Variants in ZNF134 observed in about 807,000 individuals in gnomAD.
ZNF134 encodes the protein zinc finger protein 134 (clone pHZ-15).
ZNF134 carries 5 observed loss-of-function variants against 2.5 expected under a neutral mutation model. That is an observed-to-expected ratio of 2.03 (90% CI 1.06 to 4.27). ZNF134 has a LOEUF of 4.27. Among genes scored for constraint, ZNF134 ranks in the 30% most tolerant of loss-of-function variants. The probability of loss-of-function intolerance (pLI) is 0.00; values close to 1 mark genes in which losing one functional copy is unlikely to be tolerated. For synonymous variants in ZNF134, 176 were observed against 176.2 expected, an observed-to-expected ratio of 1.00 and a Z score of 0.01; for missense variants, 540 against 517.5, an observed-to-expected ratio of 1.04 and a Z score of -0.42.
intron 1 of ZNF134, among the ~76,000 whole-genome samples, chr19:57,614,746 C>T (rs558750329): frequency 6.6e-6 from 1 of 152,126 alleles, no homozygotes; most frequent in African/African-American, 2.4e-5. Flanking sequence ...GGAGAAGTTG[C>T]TCCTTCATTG....
rs1981216787 is a variant in ZNF134, at chr19:57,621,395, A to G, written c.1276A>G (p.Arg426Gly). 6.2e-7 allele frequency: 1 copy of G among 1,613,088 alleles called. No individual in the cohort carries two copies. Among genetic ancestry groups the G allele is most frequent in the Admixed American group, 1.7e-5 (1 of 60,006 alleles). ...NRHQKVHTAG[R>G]L is the part of the protein sequence containing the mutation. The stretch of plus-strand genomic sequence containing the variant: ...GCACCAGAAAGTTCACACTGCAGGC[A>G]GGCTTTAGGAGTGCTTTGAATACAA... Residue 426 changes from arginine (R) to glycine (G), a missense_variant, in exon 3 of 3, where the codon AGG becomes GGG. Arg to Gly is a moderately radical substitution (Grantham distance 125). Coordinates refer to ENST00000396161, the MANE Select transcript of ZNF134 (RefSeq NM_003435.5).
At chr19:57,615,158 C>T (rs927617143) in intron 1 of ZNF134, among the ~76,000 whole-genome samples, 1 of 152,058 alleles carries the variant, frequency 6.6e-6, no homozygotes, top group Non-Finnish European at 1.5e-5. Context: ...GAGCACGTTT[C>T]AGGGGCATCA....
chr19:57,619,243 A>G (rs866269295), intron 1 of ZNF134, among the ~76,000 whole-genome samples, 169 bp from the exon 2 acceptor site: 4 of 152,056 alleles, frequency 2.6e-5, no homozygotes, highest in African/African-American at 4.8e-5. Flanking sequence ...TGTGTCCTCA[A>G]TTTCAGTCAT....
chr19:57,620,254 C>T lies in ZNF134; in HGVS notation c.135C>T (p.Pro45=), dbSNP rs200833487. The stretch of plus-strand genomic sequence containing the variant: ...TTAATACTTCCAAGGCAGGTTTGCC[C>T]GCACAGACGGCTCTCCCTTGTGACA... ...SHVNTSKAGL[P]AQTALPCDIC... Residue 45 remains proline (P), a synonymous_variant, in exon 3 of 3, where the codon CCC becomes CCT. Coordinates refer to ENST00000396161, the MANE Select transcript of ZNF134 (RefSeq NM_003435.5). The T allele has an allele frequency of 1.7e-5, 28 of 1,614,054 alleles. No individual in the cohort carries two copies. The highest frequency in any genetic ancestry group is 1.3e-4 in the East Asian group (6 of 44,890).
intron 1 of ZNF134, among the ~76,000 whole-genome samples, chr19:57,615,956 G>A (rs145684031): frequency 2.0e-5 from 3 of 152,372 alleles, no homozygotes; most frequent in African/African-American, 4.8e-5. Context: ...AACCTTTGAA[G>A]AGGAATTTTA....
rs199570382 is a variant in ZNF134 at position 57,620,220 on chromosome 19, T to G, written c.101T>G (p.Val34Gly). The change falls in exon 3 of 3, where the codon GTG (valine) becomes GGG (glycine). Residue 34 changes from valine to glycine, a missense_variant. Transcript: ENST00000396161. ...SSSEQSISIA[V>G]SHVNTSKAGL... ...TCTGAACAGAGCATTTCTATAGCAGTGTCACATGTTAATACTTCCAAGGCA... is the reference window on the plus strand; with the variant it reads ...TCTGAACAGAGCATTTCTATAGCAGGGTCACATGTTAATACTTCCAAGGCA... The G allele has an allele frequency of 1.6e-4, 252 of 1,614,228 alleles. No individual in the cohort carries two copies. In the African/African-American group the frequency reaches 1.6e-3, roughly 10 times the overall value.
Position 57,621,025 on chromosome 19 carries a change from A to C in ZNF134, c.906A>C (p.Thr302=). 6.2e-7 allele frequency: 1 copy of C among 1,614,034 alleles called. No individual in the cohort carries two copies. Among genetic ancestry groups the C allele is most frequent in the South Asian group, 1.1e-5 (1 of 91,070 alleles). Residue 302 remains threonine, a synonymous_variant, in exon 3 of 3, where the codon ACA becomes ACC. Transcript: ENST00000396161. ...DCGKVFRHKS[T]LVQHESIHTG... ...GGAAAGTCTTCAGACACAAATCTACACTTGTTCAGCATGAGAGTATTCACA... is the reference window on the plus strand; with the variant it reads ...GGAAAGTCTTCAGACACAAATCTACCCTTGTTCAGCATGAGAGTATTCACA...
chr19:57,620,025 T>C, intron 2 of ZNF134, 135 bp from the exon 3 acceptor site: 1 of 1,038,818 alleles, frequency 9.6e-7, no homozygotes, highest in Admixed American at 2.7e-5. Flanking sequence ...CAGCCCTTTT[T>C]TCAACCTGAT....
chr19:57,621,698 C>G lies in ZNF134; in HGVS notation c.*295C>G. 1 of 527,530 alleles carries G rather than the reference C, an allele frequency of 1.9e-6. No homozygotes were observed. Among genetic ancestry groups the G allele is most frequent in the South Asian group, 1.8e-5 (1 of 55,214 alleles). The allele number at this position is 527,530 out of a possible 1,614,324, so 32.7% of individuals were successfully genotyped here. The stretch of plus-strand genomic sequence containing the variant: ...CCTGAGTTCATTGGGGGTCCTCATT[C>G]CCTTCTGTATGACAGGTATAGGTAT... On this transcript the variant is annotated 3_prime_UTR_variant, in exon 3 of 3. Transcript: ENST00000396161.
chr19:57,615,209 A>G (rs141074529), intron 1 of ZNF134, among the ~76,000 whole-genome samples: 2 of 152,214 alleles, frequency 1.3e-5, no homozygotes, highest in Non-Finnish European at 2.9e-5. Context: ...GGTGTTCTGC[A>G]CTGGAGGTTC....
Position 57,620,582 on chromosome 19 carries a change from A to C in ZNF134, c.463A>C (p.Ser155Arg). ...LGGCQQKAIH[S>R]KRKTHRSTES... ...TGGCTGCCAACAAAAGGCCATCCAC[A>C]GTAAGAGGAAGACACACAGGAGCAC... Residue 155 changes from serine (S) to arginine (R), a missense_variant, in exon 3 of 3, where the codon AGT becomes CGT. Transcript: ENST00000396161. 1 of 1,614,252 alleles carries C rather than the reference A, an allele frequency of 6.2e-7. No individual in the cohort carries two copies. The highest frequency in any genetic ancestry group is 8.5e-7 in the Non-Finnish European group (1 of 1,180,044).
In ZNF134 at chr19:57,623,557, A is replaced by C. The variant is rs924721548; in HGVS notation, c.*2154A>C. 8 of 152,188 alleles carry C rather than the reference A, an allele frequency of 5.3e-5. No homozygotes were observed. The highest frequency in any genetic ancestry group is 1.3e-4 in the Admixed American group (2 of 15,288). 9.4% of individuals were successfully genotyped at this position (152,188 alleles called of 1,614,324 possible). On this transcript the variant is annotated 3_prime_UTR_variant, in exon 3 of 3. Coordinates refer to ENST00000396161, the MANE Select transcript of ZNF134 (RefSeq NM_003435.5). ...AGCCCATCTTAATTGGAAAAAAAAAACAAACCATTGAAATTAAGAGATTCA... is the reference window on the plus strand; with the variant it reads ...AGCCCATCTTAATTGGAAAAAAAAACCAAACCATTGAAATTAAGAGATTCA...
chr19:57,619,614 T>C, intron 2 of ZNF134, 106 bp downstream of exon 2: 1 of 1,239,840 alleles, frequency 8.1e-7, no homozygotes, highest in Admixed American at 2.9e-5. Context: ...CCCTAACTTA[T>C]TTCTACCTTT....
At chr19:57,619,808 A>G (rs1278492122) in intron 2 of ZNF134, among the ~76,000 whole-genome samples, 1 of 152,236 alleles carries the variant, frequency 6.6e-6, no homozygotes, top group Non-Finnish European at 1.5e-5. Flanking sequence ...TAGTCCCTGA[A>G]CACGTTACTT....
intron 1 of ZNF134, among the ~76,000 whole-genome samples, chr19:57,615,210 C>T (rs1349841911): frequency 6.6e-6 from 1 of 151,990 alleles, no homozygotes; most frequent in African/African-American, 2.4e-5. Context: ...GTGTTCTGCA[C>T]TGGAGGTTCA....
rs758590608 is a variant in ZNF134, at chr19:57,620,501, T to C, written c.382T>C (p.Ser128Pro). The change falls in exon 3 of 3, where the codon TCA (serine) becomes CCA (proline). Residue 128 changes from serine to proline, a missense_variant. Transcript: ENST00000396161. ...CACAGTTAGCAAAGAACCTCATCCG[T>C]CAGAGAAGCCCTTTACGTGTAAGGA... ...NCTVSKEPHPSEKPFTCKEEQ... is the reference protein window; with the variant it reads ...NCTVSKEPHPPEKPFTCKEEQ... 7.1e-5 allele frequency: 115 copies of C among 1,614,090 alleles called. No individual in the cohort carries two copies. Among genetic ancestry groups the C allele is most frequent in the Non-Finnish European group, 9.6e-5 (113 of 1,180,046 alleles).
chr19:57,619,555 T>C (rs747692542), intron 2 of ZNF134, 47 bp downstream of exon 2: 6 of 1,547,250 alleles, frequency 3.9e-6, no homozygotes, highest in Non-Finnish European at 5.2e-6. Context: ...TGGGTTCCTG[T>C]AGTTCCGGAA....
At chr19:57,614,693 T>C (rs1981003004) in intron 1 of ZNF134, among the ~76,000 whole-genome samples, 190 bp downstream of exon 1, 1 of 152,050 alleles carries the variant, frequency 6.6e-6, no homozygotes, top group South Asian at 2.1e-4. Flanking sequence ...CCCGTAGCAG[T>C]CGGGAGCGTG....
rs1981136851 is a variant in ZNF134, at chr19:57,619,444, G to A, written c.-25G>A. On this transcript the variant is annotated 5_prime_UTR_variant, in exon 2 of 3. Coordinates refer to ENST00000396161, the MANE Select transcript of ZNF134 (RefSeq NM_003435.5). The stretch of plus-strand genomic sequence containing the variant: ...GTGGTTGTTGAATTGTAACAAGAGA[G>A]AGAACTCTGGCTGCCTGAGAGGGCA... 1 of 1,597,572 alleles carries A rather than the reference G, an allele frequency of 6.3e-7. No homozygotes were observed. The highest frequency in any genetic ancestry group is 8.5e-7 in the Non-Finnish European group (1 of 1,171,866).
Sources: allele counts gnomAD v4.1 joint callset (sites outside exome capture counted in the v4.1 genomes callset), GRCh38; gene constraint gnomAD v4.1.1; transcripts MANE v1.5; gene names NCBI Gene and HGNC (gene_info 2026-07-23, HGNC 2026-07-21).